The following SLC16A10 variants were observed in gnomAD, a reference collection of about 807,000 sequenced individuals.
SLC16A10 encodes the protein monocarboxylate transporter 10.
Under a neutral mutation model 40.0 loss-of-function variants are expected in SLC16A10, and 27 were observed. The ratio of observed to expected loss-of-function variants is 0.67; its 90% confidence interval spans 0.50 to 0.93. SLC16A10 has a LOEUF of 0.93. Ranked by LOEUF, SLC16A10 falls within the 40% of genes least tolerant of loss-of-function variation. The probability of loss-of-function intolerance (pLI) is 0.00; values close to 1 mark genes in which losing one functional copy is unlikely to be tolerated. For missense variants in SLC16A10, 529 were observed against 658.2 expected, an observed-to-expected ratio of 0.80 and a Z score of 2.15; for synonymous variants, 213 against 249.8, an observed-to-expected ratio of 0.85 and a Z score of 1.39.
chr6:111,139,503 T>A (rs757055188), intron 1 of SLC16A10, among the ~76,000 whole-genome samples: 9 of 152,186 alleles, frequency 5.9e-5, no homozygotes, highest in Non-Finnish European at 1.2e-4. Flanking sequence ...GGTTTCATCA[T>A]GTTGGCCAGG....
intron 1 of SLC16A10, among the ~76,000 whole-genome samples, chr6:111,094,426 C>T (rs2114428865): frequency 6.6e-6 from 1 of 152,328 alleles, no homozygotes; most frequent in South Asian, 2.1e-4. Context: ...TGTCGGCATT[C>T]TTCTGAATCC....
At chr6:111,175,663 G>A (rs1772666372) in intron 2 of SLC16A10, among the ~76,000 whole-genome samples, 1 of 150,982 alleles carries the variant, frequency 6.6e-6, no homozygotes, top group Non-Finnish European at 1.5e-5. Flanking sequence ...TAGATGTCTT[G>A]TTTCTTTAAG....
intron 3 of SLC16A10, among the ~76,000 whole-genome samples, chr6:111,189,256 G>A (rs186286584): frequency 1.3e-4 from 20 of 152,302 alleles, no homozygotes; most frequent in African/African-American, 4.8e-4. Context: ...TGGCCAGTCA[G>A]GGACAACCTC....
rs939206404 is a variant in SLC16A10, at chr6:111,153,680, G to T, written c.344-19015G>T. Among the ~76,000 whole-genome samples the T allele has an allele frequency of 1.4e-4, 22 of 152,204 alleles. 1 individual carries two copies. Among genetic ancestry groups the T allele is most frequent in the Admixed American group, 1.1e-3 (17 of 15,276 alleles). The stretch of plus-strand genomic sequence containing the variant: ...CATTTAAATAGCAGGGAGCCCTTAG[G>T]CAAATCACTTAACTTCTGAGCTTTG... On this transcript the variant is annotated intron_variant, in intron 1 of 5. Coordinates refer to ENST00000368851, the MANE Select transcript of SLC16A10 (RefSeq NM_018593.5).
chr6:111,096,832 G>A (rs893804388), intron 1 of SLC16A10, among the ~76,000 whole-genome samples: 2 of 150,288 alleles, frequency 1.3e-5, no homozygotes, highest in Non-Finnish European at 3.0e-5. Context: ...TCTTTTTTTT[G>A]TTAAGAGACA....
Position 111,167,584 on chromosome 6 carries a change from G to A in SLC16A10, c.344-5111G>A, listed in dbSNP as rs1772499290. 2.6e-5 allele frequency among the ~76,000 whole-genome samples: 4 copies of A among 152,094 alleles called. No homozygotes were observed. The South Asian group carries it at 8.3e-4, about 32-fold the overall frequency. The stretch of plus-strand genomic sequence containing the variant: ...ATATATTAGGAAGTCCTCTGTGGGT[G>A]TTTTGTAGAAGGACCTAGAGGGACT... On this transcript the variant is annotated intron_variant, in intron 1 of 5. Transcript: ENST00000368851.
chr6:111,099,944 C>G (rs971041690), intron 1 of SLC16A10, among the ~76,000 whole-genome samples: 2 of 150,406 alleles, frequency 1.3e-5, no homozygotes, highest in Admixed American at 6.7e-5. Context: ...GATCACCTAG[C>G]TCTAGAGGTC....
At chr6:111,103,144 G>GA (rs199960472) in intron 1 of SLC16A10, among the ~76,000 whole-genome samples, 2,739 of 152,224 alleles carry the variant, frequency 0.018, 40 homozygotes, top group Middle Eastern at 0.061. Flanking sequence ...GGACTCAAGG[G>GA]ATCTGCCTGC....
In SLC16A10 at chr6:111,224,280, A is replaced by C. The variant is rs892610830; in HGVS notation, c.*2045A>C. On this transcript the variant is annotated 3_prime_UTR_variant, in exon 6 of 6. Coordinates refer to ENST00000368851, the MANE Select transcript of SLC16A10 (RefSeq NM_018593.5). ...AAAATAAATGTTAAATTTTGTTTTA[A>C]GTTTTAGCACAGACTCCCCTCAAAA... The C allele has an allele frequency of 1.3e-5, 2 of 152,222 alleles. No individual in the cohort carries two copies. Among genetic ancestry groups the C allele is most frequent in the African/African-American group, 2.4e-5 (1 of 41,456 alleles). 9.4% of individuals were successfully genotyped at this position (152,222 alleles called of 1,614,324 possible).
intron 4 of SLC16A10, among the ~76,000 whole-genome samples, chr6:111,217,973 ATAG>A (rs1336939601): frequency 6.6e-6 from 1 of 152,208 alleles, no homozygotes; most frequent in Non-Finnish European, 1.5e-5. Flanking sequence ...TGCCTACCAA[ATAG>A]TAGGCAAAAT....
intron 4 of SLC16A10, among the ~76,000 whole-genome samples, chr6:111,210,821 G>A (rs1773333397): frequency 6.6e-6 from 1 of 152,100 alleles, no homozygotes; most frequent in East Asian, 1.9e-4. Context: ...CGGATCACGA[G>A]GTCAGGAGAT....
intron 1 of SLC16A10, among the ~76,000 whole-genome samples, chr6:111,121,995 C>T (rs1190992408): frequency 2.6e-5 from 4 of 152,198 alleles, no homozygotes; most frequent in Non-Finnish European, 5.9e-5. Flanking sequence ...CCAGGCCCTT[C>T]TTGGCCCCTA....
chr6:111,098,642 A>T (rs1172628476), intron 1 of SLC16A10, among the ~76,000 whole-genome samples: 3 of 152,342 alleles, frequency 2.0e-5, no homozygotes, highest in Non-Finnish European at 4.4e-5. Context: ...CAAGTAGGTT[A>T]GTCTGGAGAC....
chr6:111,113,232 C>T (rs1771421835), intron 1 of SLC16A10, among the ~76,000 whole-genome samples: 1 of 151,716 alleles, frequency 6.6e-6, no homozygotes, highest in South Asian at 2.1e-4. Flanking sequence ...TTTCAACTGG[C>T]TTATGGTTAA....
chr6:111,121,276 T>C (rs1163032836), intron 1 of SLC16A10, among the ~76,000 whole-genome samples: 3 of 152,220 alleles, frequency 2.0e-5, no homozygotes, highest in Admixed American at 6.5e-5. Flanking sequence ...CCAGATTTTA[T>C]TGTGGCCGGC....
At chr6:111,101,406 C>G (rs527649256) in intron 1 of SLC16A10, among the ~76,000 whole-genome samples, 17 of 152,100 alleles carry the variant, frequency 1.1e-4, no homozygotes, top group Non-Finnish European at 2.1e-4. Context: ...TAATCTGGTA[C>G]AGACACCTGT....
At chr6:111,166,097 C>T (rs1231192101) in intron 1 of SLC16A10, among the ~76,000 whole-genome samples, 1 of 152,198 alleles carries the variant, frequency 6.6e-6, no homozygotes, top group Admixed American at 6.5e-5. Flanking sequence ...TACAGAAAGA[C>T]ACACAAAGCA....
chr6:111,163,639 G>A (rs2114530759), intron 1 of SLC16A10, among the ~76,000 whole-genome samples: 1 of 152,280 alleles, frequency 6.6e-6, no homozygotes, highest in African/African-American at 2.4e-5. Flanking sequence ...TCTTTTGGAT[G>A]CTCCAGGAGC....
At chr6:111,106,185 A>G (rs1771281650) in intron 1 of SLC16A10, among the ~76,000 whole-genome samples, 1 of 152,230 alleles carries the variant, frequency 6.6e-6, no homozygotes. Flanking sequence ...TTTGAAAAAT[A>G]GAATTCATGC....
Sources: gnomAD v4.1 joint callset for allele counts (sites outside exome capture counted in the v4.1 genomes callset) on GRCh38, gnomAD v4.1.1 for gene constraint, MANE v1.5 for transcripts, NCBI Gene and HGNC (gene_info 2026-07-23, HGNC 2026-07-21) for gene names.